The following RYR2 variants were observed in gnomAD, a reference collection of about 807,000 sequenced individuals.
RYR2 encodes ryanodine receptor 2.
RYR2 carries 227 observed loss-of-function variants against 601.1 expected under a neutral mutation model. The ratio of observed to expected loss-of-function variants is 0.38; its 90% CI spans 0.34 to 0.42. RYR2 has a LOEUF of 0.42. RYR2 is among the 10% of genes least tolerant of loss of function. The pLI, the probability that RYR2 is intolerant of heterozygous loss-of-function variation, is 1.00. For missense variants in RYR2, 4,646 were observed against 6,156.5 expected (o/e 0.75, Z 8.21); for synonymous variants, 2,223 against 2,175.1 (o/e 1.02, Z -0.61).
intron 10 of RYR2, among the ~76,000 whole-genome samples, chr1:237,394,441 G>A (rs1411036077): frequency 1.3e-5 from 2 of 152,180 alleles, no homozygotes; most frequent in Non-Finnish European, 2.9e-5. Flanking sequence ...AACAAGTAAT[G>A]CTTCTTGGGA....
chr1:237,260,120 T>C (rs1688373593), intron 1 of RYR2, among the ~76,000 whole-genome samples: 3 of 152,166 alleles, frequency 2.0e-5, no homozygotes, highest in Admixed American at 2.0e-4. Flanking sequence ...GGCTAACAGA[T>C]GAAAGTACAT....
chr1:237,384,899 T>G (rs1049807717), intron 8 of RYR2, among the ~76,000 whole-genome samples: 1 of 151,956 alleles, frequency 6.6e-6, no homozygotes, highest in Admixed American at 6.6e-5. Flanking sequence ...ATTATTTTAT[T>G]TTTTTTTGAG....
At chr1:237,125,752 C>G (rs1445978834) in intron 1 of RYR2, among the ~76,000 whole-genome samples, 1 of 152,096 alleles carries the variant, frequency 6.6e-6, no homozygotes, top group Non-Finnish European at 1.5e-5. Flanking sequence ...TCCTTTCGTG[C>G]CTATTTTGGT....
At chr1:237,443,273 C>T (rs1295072235) in intron 13 of RYR2, among the ~76,000 whole-genome samples, 1 of 151,970 alleles carries the variant, frequency 6.6e-6, no homozygotes, top group East Asian at 1.9e-4. Flanking sequence ...ATCTGGTCTG[C>T]TGGTTTATTA....
At chr1:237,641,127 C>T in intron 47 of RYR2, 125 bp downstream of exon 47, 1 of 575,422 alleles carries the variant, frequency 1.7e-6, no homozygotes, top group Non-Finnish European at 2.9e-6. Context: ...ATAATAGCTG[C>T]AGTCTAATCA....
chr1:237,817,242 A>T (rs1661937446), intron 100 of RYR2, among the ~76,000 whole-genome samples: 1 of 152,194 alleles, frequency 6.6e-6, no homozygotes. Context: ...CATCTAACCC[A>T]GGAGACTTTT....
chr1:237,081,123 A>T (rs1434131484), intron 1 of RYR2, among the ~76,000 whole-genome samples: 2 of 80,624 alleles, frequency 2.5e-5, no homozygotes, highest in African/African-American at 1.0e-4. Flanking sequence ...CACTCTGGGG[A>T]CTGTGGTGGG....
intron 1 of RYR2, among the ~76,000 whole-genome samples, chr1:237,258,517 G>T (rs1688217321): frequency 6.6e-6 from 1 of 152,170 alleles, no homozygotes. Flanking sequence ...TGGGGTAATA[G>T]ACCTATTAAA....
Position 237,456,642 on chromosome 1 carries a change from G to A in RYR2, c.1519G>A (p.Val507Ile), listed in dbSNP as rs16835270. 2.6e-3 allele frequency: 4,256 copies of A among 1,611,154 alleles called. 107 individuals are homozygous for A. The African/African-American group carries it at 0.046, about 17-fold the overall frequency. ...LVLECIDRLH[V>I]YSSAAHFADV... ...GCTTGAGTGCATAGACCGTTTGCACGTCTACAGCAGTGCAGCACACTTTGC... is the reference window on the plus strand; with the variant it reads ...GCTTGAGTGCATAGACCGTTTGCACATCTACAGCAGTGCAGCACACTTTGC... The change falls in exon 16 of 105, where the codon GTC becomes ATC. Residue 507 changes from valine to isoleucine, a missense_variant. By Grantham distance (29) the Val-to-Ile change is conservative (BLOSUM62 3). Around this residue, in one of 17 missense-constraint regions of RYR2, gnomAD observed 1,807 missense variants for 2,088.1 expected, o/e 0.87. Coordinates refer to ENST00000366574, the MANE Select transcript of RYR2 (RefSeq NM_001035.3).
chr1:237,538,762 C>T (rs1195960246), intron 25 of RYR2, among the ~76,000 whole-genome samples: 3 of 134,988 alleles, frequency 2.2e-5, no homozygotes, highest in Non-Finnish European at 4.7e-5. Flanking sequence ...CAGAGTGAGA[C>T]TCCGTCACAA....
Position 237,718,487 on chromosome 1 carries a change from A to G in RYR2, c.10520A>G (p.Asp3507Gly), listed in dbSNP as rs1689444920. The G allele has an allele frequency of 3.1e-6, 5 of 1,596,974 alleles. 1 individual carries two copies. The South Asian group carries it at 4.4e-5, about 14-fold the overall frequency. The change falls in exon 73 of 105, where the codon GAT becomes GGT. Residue 3507 changes from aspartate to glycine, a missense_variant. Coordinates refer to ENST00000366574, the MANE Select transcript of RYR2 (RefSeq NM_001035.3). ...AAAGATACCGAGGATGAAGTACGAG[A>G]TATAATCCGCAGCAATATTCATTTA... ...SLKDTEDEVR[D>G]IIRSNIHLQG...
At chr1:237,237,877 C>T (rs1397221635) in intron 1 of RYR2, among the ~76,000 whole-genome samples, 2 of 144,684 alleles carry the variant, frequency 1.4e-5, no homozygotes, top group African/African-American at 2.5e-5. Context: ...TTTCCTTTCC[C>T]CTCTCCTCCT....
At chr1:237,828,121 A>G (rs1663374197) in intron 101 of RYR2, among the ~76,000 whole-genome samples, 1 of 152,062 alleles carries the variant, frequency 6.6e-6, no homozygotes, top group Non-Finnish European at 1.5e-5. Flanking sequence ...CAAGTTAACA[A>G]AAGGTTTTTC....
At chr1:237,083,908 C>T (rs535659771) in intron 1 of RYR2, among the ~76,000 whole-genome samples, 9 of 152,294 alleles carry the variant, frequency 5.9e-5, no homozygotes, top group African/African-American at 9.6e-5. Context: ...GTTATGCCCA[C>T]GGCACACCTC....
intron 103 of RYR2, among the ~76,000 whole-genome samples, chr1:237,831,271 T>TCCAG (rs1663756251): frequency 6.6e-6 from 1 of 152,222 alleles, no homozygotes; most frequent in East Asian, 1.9e-4. Context: ...CAGTGTTGAT[T>TCCAG]TGATTCTGAC....
intron 1 of RYR2, among the ~76,000 whole-genome samples, chr1:237,121,980 A>G (rs1282750707): frequency 6.6e-6 from 1 of 152,224 alleles, no homozygotes; most frequent in African/African-American, 2.4e-5. Context: ...ATTCCTGAAA[A>G]TACTGGTTGG....
intron 35 of RYR2, among the ~76,000 whole-genome samples, chr1:237,605,781 A>C (rs1271523144): frequency 6.6e-6 from 1 of 152,100 alleles, no homozygotes; most frequent in Non-Finnish European, 1.5e-5. Context: ...CAACAGACAA[A>C]CAGAGAGCCA....
intron 98 of RYR2, among the ~76,000 whole-genome samples, chr1:237,805,307 G>A (rs1280891154): frequency 2.6e-5 from 4 of 152,076 alleles, no homozygotes; most frequent in Admixed American, 2.0e-4. Flanking sequence ...TGAGCCAGGC[G>A]CAGTGGCTCA....
intron 27 of RYR2, among the ~76,000 whole-genome samples, chr1:237,563,561 T>G (rs903339980): frequency 1.3e-5 from 2 of 151,918 alleles, no homozygotes; most frequent in African/African-American, 4.8e-5. Flanking sequence ...TCAATGAGCA[T>G]AAGAATAGCA....
Sources: allele counts gnomAD v4.1 joint callset (sites outside exome capture counted in the v4.1 genomes callset), GRCh38; gene constraint gnomAD v4.1.1; regional missense constraint gnomAD v4.1.1; transcripts MANE v1.5; gene names NCBI Gene and HGNC (gene_info 2026-07-23, HGNC 2026-07-21).